Variants in RANBP2 observed in about 807,000 individuals in gnomAD.
RANBP2 encodes the protein E3 SUMO-protein ligase RanBP2.
In RANBP2, 57 loss-of-function variants were observed where a neutral mutation model predicts 303.6. The observed-to-expected ratio is 0.19, with a 90% CI of 0.15 to 0.23. RANBP2 has a LOEUF of 0.23. Ranked by LOEUF, RANBP2 falls within the 10% of genes least tolerant of loss-of-function variation. The pLI, the probability that RANBP2 is intolerant of heterozygous loss-of-function variation, is 1.00. For missense variants in RANBP2, 3,138 were observed against 3,780.8 expected (o/e 0.83, Z 4.46); for synonymous variants, 1,167 against 1,301.5 (o/e 0.90, Z 2.23).
chr2:109,105,885 G>A, the RANBP2 span, among the ~76,000 whole-genome samples: 5 of 127,890 alleles, frequency 3.9e-5, no homozygotes, highest in Middle Eastern at 6.5e-3. Context: ...ATGGAATCAC[G>A]CTCTGTCGCC....
At chr2:109,017,054 G>A in the RANBP2 span, among the ~76,000 whole-genome samples, 33 of 152,220 alleles carry the variant, frequency 2.2e-4, no homozygotes, top group Non-Finnish European at 3.5e-4. Flanking sequence ...GGAATATATA[G>A]TTGTTCTGAA....
At chr2:109,479,031 CTTATG>C in the RANBP2 span, among the ~76,000 whole-genome samples, 1 of 152,166 alleles carries the variant, frequency 6.6e-6, no homozygotes, top group Non-Finnish European at 1.5e-5. Context: ...GGTGGGCTGG[CTTATG>C]TGTCTGGCGG....
the RANBP2 span, among the ~76,000 whole-genome samples, chr2:109,384,729 T>C: frequency 6.6e-6 from 1 of 152,114 alleles, no homozygotes; most frequent in South Asian, 2.1e-4. Context: ...TAGTGTAAAA[T>C]GCATGTGGAG....
chr2:109,598,741 G>A, the RANBP2 span, among the ~76,000 whole-genome samples: 3 of 152,070 alleles, frequency 2.0e-5, no homozygotes, highest in Admixed American at 6.5e-5. Context: ...TACTCAGGAG[G>A]CTAGGTTCAA....
At chr2:109,476,452 A>G in the RANBP2 span, among the ~76,000 whole-genome samples, 2 of 152,240 alleles carry the variant, frequency 1.3e-5, no homozygotes, top group African/African-American at 2.4e-5. Flanking sequence ...CTCAAATCCC[A>G]TCAGACTCTT....
At chr2:109,518,992 C>T in the RANBP2 span, among the ~76,000 whole-genome samples, 8 of 147,088 alleles carry the variant, frequency 5.4e-5, no homozygotes, top group African/African-American at 2.1e-4. Context: ...AATATTGGCT[C>T]ACTGCATCCT....
At chr2:109,059,837 G>T in the RANBP2 span, among the ~76,000 whole-genome samples, 1 of 152,032 alleles carries the variant, frequency 6.6e-6, no homozygotes, top group Non-Finnish European at 1.5e-5. Context: ...TGGTGGGTGG[G>T]GGGGATGTGG....
At chr2:109,334,000 G>A in the RANBP2 span, among the ~76,000 whole-genome samples, 1 of 152,242 alleles carries the variant, frequency 6.6e-6, no homozygotes, top group African/African-American at 2.4e-5. Context: ...AAGGAAGTGG[G>A]CAGGTTTCTA....
At chr2:109,080,086 C>T in the RANBP2 span, among the ~76,000 whole-genome samples, 12 of 152,150 alleles carry the variant, frequency 7.9e-5, no homozygotes, top group African/African-American at 2.7e-4. Flanking sequence ...GTGGAGGCTT[C>T]GAGCTAGACC....
the RANBP2 span, among the ~76,000 whole-genome samples, chr2:108,867,914 G>A: frequency 6.6e-6 from 1 of 152,096 alleles, no homozygotes; most frequent in African/African-American, 2.4e-5. Context: ...GCTGAGGTGA[G>A]TTTTCTTTAA....
At chr2:109,537,366 A>G in the RANBP2 span, among the ~76,000 whole-genome samples, 1 of 152,202 alleles carries the variant, frequency 6.6e-6, no homozygotes, top group Non-Finnish European at 1.5e-5. Flanking sequence ...TAATATTAAA[A>G]CCACCTAGCA....
At chr2:109,370,465 C>T in the RANBP2 span, among the ~76,000 whole-genome samples, 1 of 152,080 alleles carries the variant, frequency 6.6e-6, no homozygotes, top group Non-Finnish European at 1.5e-5. Context: ...GTCTCAAACT[C>T]CTGATCTCAG....
At chr2:108,947,584 C>T in the RANBP2 span, among the ~76,000 whole-genome samples, 1 of 152,210 alleles carries the variant, frequency 6.6e-6, no homozygotes, top group Non-Finnish European at 1.5e-5. Flanking sequence ...TTGTCTTCTG[C>T]ACCCCCGCAG....
At chr2:109,123,979 GTTTTATTT>G in the RANBP2 span, among the ~76,000 whole-genome samples, 133 of 137,032 alleles carry the variant, frequency 9.7e-4, no homozygotes, top group African/African-American at 3.4e-3. Context: ...TTTCTTTTCA[GTTTTATTT>G]ATTTATTTAT....
chr2:109,479,201 G>T, the RANBP2 span, among the ~76,000 whole-genome samples: 1 of 152,282 alleles, frequency 6.6e-6, no homozygotes, highest in South Asian at 2.1e-4. Flanking sequence ...TCAGGGTCAC[G>T]CAGTGGCATC....
Position 108,772,586 on chromosome 2 carries a change from G to A in RANBP2, c.8113+5G>A, listed in dbSNP as rs1480638582. 1.1e-5 allele frequency: 18 copies of A among 1,609,928 alleles called. No homozygotes were observed. Among genetic ancestry groups the A allele is most frequent in the Non-Finnish European group, 1.4e-5 (17 of 1,176,440 alleles). ...CCTTGGAAGAAAATACAGCAGGTAT[G>A]TTAAGTGTAAAGGACATTTATAATG... On this transcript the variant is annotated splice_donor_5th_base_variant and intron_variant, in intron 22 of 28. Coordinates refer to ENST00000283195, the MANE Select transcript of RANBP2 (RefSeq NM_006267.5).
the RANBP2 span, among the ~76,000 whole-genome samples, chr2:109,619,873 T>A: frequency 6.6e-6 from 1 of 152,184 alleles, no homozygotes; most frequent in Non-Finnish European, 1.5e-5. Context: ...CCTTCAATGA[T>A]CACCCAAGTC....
the RANBP2 span, among the ~76,000 whole-genome samples, chr2:108,792,231 C>T: frequency 1.3e-5 from 2 of 152,208 alleles, no homozygotes; most frequent in Non-Finnish European, 2.9e-5. Context: ...CTCTGGGCTA[C>T]AAGACTTTGA....
chr2:109,270,446 C>G, the RANBP2 span, among the ~76,000 whole-genome samples: 1 of 152,134 alleles, frequency 6.6e-6, no homozygotes, highest in East Asian at 1.9e-4. Flanking sequence ...GGGAAGGAAA[C>G]ATTTCTTCTT....
Sources: allele counts gnomAD v4.1 joint callset (sites outside exome capture counted in the v4.1 genomes callset), GRCh38; gene constraint gnomAD v4.1.1; transcripts MANE v1.5; gene names NCBI Gene and HGNC (gene_info 2026-07-23, HGNC 2026-07-21).